The following ART1 variants were observed in gnomAD, a reference collection of about 807,000 sequenced individuals.
ART1 encodes the protein ADP-ribosyltransferase 1.
Under a neutral mutation model 27.0 loss-of-function variants are expected in ART1, and 29 were observed. The observed-to-expected ratio is 1.08, with a 90% CI of 0.80 to 1.47. The LOEUF (loss-of-function observed/expected upper bound fraction) is 1.47. ART1 is among the 40% of genes most tolerant of loss of function. The probability of loss-of-function intolerance (pLI) is 0.00; values close to 1 mark genes in which losing one functional copy is unlikely to be tolerated. For synonymous variants in ART1, 201 were observed against 172.2 expected (o/e 1.17, Z -1.31); for missense variants, 480 against 423.0 (o/e 1.13, Z -1.18).
intron 1 of ART1, among the ~76,000 whole-genome samples, chr11:3,649,291 A>T (rs1017549874): frequency 6.6e-5 from 10 of 152,156 alleles, no homozygotes; most frequent in Non-Finnish European, 1.5e-4. Context: ...CTTGACCCCA[A>T]TACAAACTCG....
Position 3,651,756 on chromosome 11 carries a change from A to G in ART1, c.-53+6577A>G, listed in dbSNP as rs554223696. 2.5e-3 allele frequency among the ~76,000 whole-genome samples: 377 copies of G among 151,828 alleles called. 1 individual carries two copies. Among genetic ancestry groups the G allele is most frequent in the African/African-American group, 8.8e-3 (365 of 41,304 alleles). ...TACTCACTCTATGTTAAGTCCCACA[A>G]TTACCATTGTTCCTGGCCCGGACTT... On this transcript the variant is annotated intron_variant, in intron 1 of 4. Transcript: ENST00000250693.
intron 1 of ART1, among the ~76,000 whole-genome samples, chr11:3,653,785 T>A (rs1427238199): frequency 3.3e-5 from 5 of 151,180 alleles, no homozygotes; most frequent in African/African-American, 2.4e-5. Flanking sequence ...AAATTCCACC[T>A]CCTACCTCTG....
intron 1 of ART1, among the ~76,000 whole-genome samples, chr11:3,647,558 C>G (rs550446028): frequency 6.6e-6 from 1 of 151,738 alleles, no homozygotes; most frequent in Non-Finnish European, 1.5e-5. Context: ...CACTTGAACC[C>G]GGGAGGTAGA....
Position 3,646,413 on chromosome 11 carries a change from C to G in ART1, c.-53+1234C>G, listed in dbSNP as rs554411174. 3.3e-5 allele frequency among the ~76,000 whole-genome samples: 5 copies of G among 152,254 alleles called. No individual in the cohort carries two copies. The South Asian group carries it at 6.2e-4, about 19-fold the overall frequency. ...ACGAATGATTGACTGAATGGACACC[C>G]AGGGGACCATCATGGGTGACTGGGT... On this transcript the variant is annotated intron_variant, in intron 1 of 4. Transcript: ENST00000250693.
At position 3,664,155 on chromosome 11, in the gene ART1, T is replaced by G; in HGVS notation, c.950T>G (p.Val317Gly). The G allele has an allele frequency of 1.2e-6, 2 of 1,614,082 alleles. No individual in the cohort carries two copies. The highest frequency in any genetic ancestry group is 1.7e-6 in the Non-Finnish European group (2 of 1,180,030). Reference protein sequence around the residue: ...SLLLLLWFLVVRAFPDGPGLL With the variant: ...SLLLLLWFLVGRAFPDGPGLL ...CTGCTGCTGCTCTGGTTCCTCGTGG[T>G]GAGGGCCTTTCCAGATGGTCCAGGC... The change falls in exon 5 of 5, where the codon GTG (valine) becomes GGG (glycine). Residue 317 changes from valine (V) to glycine (G), a missense_variant. By Grantham distance (109) the Val-to-Gly change is moderately radical. Coordinates refer to ENST00000250693, the MANE Select transcript of ART1 (RefSeq NM_004314.3).
chr11:3,655,207 T>C (rs554895250), intron 1 of ART1, among the ~76,000 whole-genome samples: 1 of 152,244 alleles, frequency 6.6e-6, no homozygotes, highest in Admixed American at 6.5e-5. Context: ...AGAAGAATCT[T>C]CCAAAGAAAA....
chr11:3,660,233 G>C lies in ART1; in HGVS notation c.714G>C (p.Glu238Asp). The C allele has an allele frequency of 6.2e-7, 1 of 1,613,972 alleles. No individual in the cohort carries two copies. Among genetic ancestry groups the C allele is most frequent in the Non-Finnish European group, 8.5e-7 (1 of 1,180,046 alleles). The change falls in exon 3 of 5, where the codon GAG (glutamate) becomes GAC (aspartate). Residue 238 changes from glutamate to aspartate, a missense_variant. Transcript: ENST00000250693. ...PIKGYSFFPGEEEVLIPPFET... is the reference protein window; with the variant it reads ...PIKGYSFFPGDEEVLIPPFET... ...AGGGCTACTCCTTCTTCCCTGGAGAGGAAGAGGTGCTGATCCCCCCCTTTG... is the reference window on the plus strand; with the variant it reads ...AGGGCTACTCCTTCTTCCCTGGAGACGAAGAGGTGCTGATCCCCCCCTTTG...
chr11:3,659,417 G>A, intron 2 of ART1, 141 bp downstream of exon 2: 1 of 1,396,282 alleles, frequency 7.2e-7, no homozygotes, highest in East Asian at 2.3e-5. Context: ...GACAGCTCCA[G>A]ATGCTAGTCT....
intron 1 of ART1, among the ~76,000 whole-genome samples, chr11:3,650,364 C>A (rs972698162): frequency 6.6e-6 from 1 of 152,200 alleles, no homozygotes; most frequent in Admixed American, 6.5e-5. Flanking sequence ...GCCCAAGGCT[C>A]CCTGACTGAC....
chr11:3,648,300 C>G (rs532988098), intron 1 of ART1, among the ~76,000 whole-genome samples: 28 of 152,174 alleles, frequency 1.8e-4, no homozygotes, highest in African/African-American at 6.5e-4. Context: ...CACACGGACG[C>G]GCATGAAATT....
At chr11:3,658,130 C>T (rs1202285870) in intron 1 of ART1, among the ~76,000 whole-genome samples, 5 of 151,784 alleles carry the variant, frequency 3.3e-5, no homozygotes, top group Non-Finnish European at 7.4e-5. Context: ...GTCAGGAGTT[C>T]GAGACCATCC....
chr11:3,661,490 C>CATT, intron 4 of ART1, 77 bp downstream of exon 4: 1 of 318,502 alleles, frequency 3.1e-6, no homozygotes, highest in Non-Finnish European at 5.4e-6. Flanking sequence ...TCACCTCGAT[C>CATT]TTTTTTTTTT....
intron 1 of ART1, among the ~76,000 whole-genome samples, chr11:3,655,964 C>T (rs1253920646): frequency 7.3e-6 from 1 of 136,484 alleles, no homozygotes; most frequent in Non-Finnish European, 1.5e-5. Flanking sequence ...CAGAGTTTCA[C>T]TCTTGTCGCC....
chr11:3,661,441 C>G, intron 4 of ART1, 28 bp downstream of exon 4: 7 of 1,572,606 alleles, frequency 4.5e-6, no homozygotes, highest in Non-Finnish European at 6.1e-6. Context: ...CTGTGGGACT[C>G]AGTTCAGGGA....
At chr11:3,656,173 A>G (rs2077573132) in intron 1 of ART1, among the ~76,000 whole-genome samples, 1 of 151,758 alleles carries the variant, frequency 6.6e-6, no homozygotes, top group Non-Finnish European at 1.5e-5. Context: ...ACCTCAGGTG[A>G]TCCACCCGCC....
intron 4 of ART1, among the ~76,000 whole-genome samples, chr11:3,663,599 T>C (rs28595117): frequency 1.3e-5 from 2 of 151,802 alleles, no homozygotes; most frequent in African/African-American, 4.8e-5. Context: ...ATTAAAAAAA[T>C]TTTTTTTTGA....
At chr11:3,646,330 G>A (rs570921933) in intron 1 of ART1, among the ~76,000 whole-genome samples, 1 of 152,218 alleles carries the variant, frequency 6.6e-6, no homozygotes, top group African/African-American at 2.4e-5. Flanking sequence ...AAGGGAAGGA[G>A]AATCTAGGAT....
chr11:3,653,814 C>A (rs1756389659), intron 1 of ART1, among the ~76,000 whole-genome samples: 1 of 144,566 alleles, frequency 6.9e-6, no homozygotes, highest in Non-Finnish European at 1.5e-5. Flanking sequence ...CACTGCCATT[C>A]TCCCATCAGA....
At chr11:3,651,208 T>C (rs1393920408) in intron 1 of ART1, among the ~76,000 whole-genome samples, 9 of 142,340 alleles carry the variant, frequency 6.3e-5, no homozygotes, top group African/African-American at 1.9e-4. Context: ...TCTTTACTAT[T>C]CCTTTTCACC....
Sources: allele counts gnomAD v4.1 joint callset (sites outside exome capture counted in the v4.1 genomes callset), GRCh38; gene constraint gnomAD v4.1.1; transcripts MANE v1.5; gene names NCBI Gene and HGNC (gene_info 2026-07-23, HGNC 2026-07-21).